The following TRPC4AP variants were observed in gnomAD, a reference collection of about 807,000 sequenced individuals.
The protein encoded by TRPC4AP is short transient receptor potential channel 4-associated protein.
In TRPC4AP, 45 loss-of-function variants were observed where a neutral mutation model predicts 99.0. That is an observed-to-expected ratio of 0.45 (90% CI 0.36 to 0.58). The LOEUF (loss-of-function observed/expected upper bound fraction) is 0.58. Among genes scored for constraint, TRPC4AP ranks in the 20% least tolerant of loss-of-function variants. The probability of loss-of-function intolerance (pLI) is 0.00; values close to 1 mark genes in which losing one functional copy is unlikely to be tolerated. For missense variants in TRPC4AP, 879 were observed against 985.3 expected (o/e 0.89, Z 1.44); for synonymous variants, 408 against 385.8 (o/e 1.06, Z -0.67).
intron 8 of TRPC4AP, among the ~76,000 whole-genome samples, 153 bp downstream of exon 8, chr20:35,034,968 CAA>C (rs986464109): frequency 6.6e-5 from 10 of 152,130 alleles, no homozygotes; most frequent in African/African-American, 2.4e-4. Flanking sequence ...AACAAGCTGT[CAA>C]AAGAGTCTTA....
At position 35,086,455 on chromosome 20, in the gene TRPC4AP, GTGTGTGTGTGTGTGTGTGTGTA is replaced by G. The variant is rs2084854702; in HGVS notation, c.168+6137_168+6158del. 7.1e-4 allele frequency among the ~76,000 whole-genome samples: 62 copies of G among 86,960 alleles called. 2 individuals carry two copies. Among genetic ancestry groups the G allele is most frequent in the South Asian group, 1.6e-3 (4 of 2,462 alleles). 57.0% of individuals were successfully genotyped at this position (86,960 alleles called of 152,430 possible). On this transcript the variant is annotated intron_variant, in intron 1 of 18. Coordinates refer to ENST00000252015, the MANE Select transcript of TRPC4AP (RefSeq NM_015638.3). ...TATGTGTGTGTGTGTGTGTGTGTGTGTGTGTGTGTGTGTGTGTGTGTATGTGTGTGTATATATATATGTGTAT... is the reference window on the plus strand; with the variant it reads ...TATGTGTGTGTGTGTGTGTGTGTGTGTGTGTGTGTATATATATATGTGTAT...
At chr20:35,070,596 G>A (rs957606574) in intron 2 of TRPC4AP, among the ~76,000 whole-genome samples, 1 of 152,126 alleles carries the variant, frequency 6.6e-6, no homozygotes, top group African/African-American at 2.4e-5. Context: ...ATTTTCAGTA[G>A]AGACGGGGTT....
intron 2 of TRPC4AP, among the ~76,000 whole-genome samples, chr20:35,070,503 C>G (rs373641387): frequency 6.6e-6 from 1 of 151,942 alleles, no homozygotes; most frequent in Non-Finnish European, 1.5e-5. Flanking sequence ...CTCTGCCTCC[C>G]GGGTTCACGC....
chr20:35,032,685 G>A (rs1191587218), intron 8 of TRPC4AP, among the ~76,000 whole-genome samples: 1 of 149,262 alleles, frequency 6.7e-6, no homozygotes, highest in Non-Finnish European at 1.5e-5. Flanking sequence ...TCTTAGCCAG[G>A]ATAGTCTCGA....
chr20:35,043,447 A>G (rs1264209539), intron 7 of TRPC4AP, among the ~76,000 whole-genome samples: 3 of 152,168 alleles, frequency 2.0e-5, no homozygotes, highest in Middle Eastern at 3.4e-3. Context: ...GGGTTTCGCC[A>G]TGTTGGCCAG....
Position 35,084,593 on chromosome 20 carries a change from CAT to C in TRPC4AP, c.169-6421_169-6420del, listed in dbSNP as rs1233507364. On this transcript the variant is annotated intron_variant, in intron 1 of 18. Transcript: ENST00000252015. ...GTGTATATGTATATATGTTTATATG[CAT>C]ATATGTGTATATGTATATATGTTTA... is the stretch of plus-strand genomic sequence containing the variant. 1.1e-4 allele frequency among the ~76,000 whole-genome samples: 13 copies of C among 122,824 alleles called. No individual in the cohort carries two copies. The East Asian group carries it at 1.8e-3, about 17-fold the overall frequency. 80.6% of individuals were successfully genotyped at this position (122,824 alleles called of 152,430 possible). A position where few individuals can be genotyped will look rare whatever the true frequency, so the allele number is the denominator to read the frequency against.
At chr20:35,075,003 T>C (rs1189681213) in intron 2 of TRPC4AP, among the ~76,000 whole-genome samples, 1 of 152,252 alleles carries the variant, frequency 6.6e-6, no homozygotes, top group Non-Finnish European at 1.5e-5. Flanking sequence ...TTGATCCCTT[T>C]ACCATTATGT....
intron 15 of TRPC4AP, 126 bp downstream of exon 15, chr20:35,006,309 C>A: frequency 8.6e-7 from 1 of 1,157,550 alleles, no homozygotes; most frequent in Non-Finnish European, 1.2e-6. Context: ...GAATGTTTGC[C>A]AAAGACTGCC....
chr20:35,029,115 G>A (rs907493257), intron 8 of TRPC4AP, among the ~76,000 whole-genome samples: 12 of 152,074 alleles, frequency 7.9e-5, no homozygotes, highest in African/African-American at 2.9e-4. Flanking sequence ...AGCTGGGCGT[G>A]GGCTCCCCGC....
chr20:35,084,609 TATATATGTTTATATGC>T (rs1374430504), intron 1 of TRPC4AP, among the ~76,000 whole-genome samples: 5 of 107,990 alleles, frequency 4.6e-5, no homozygotes, highest in Non-Finnish European at 7.8e-5. Flanking sequence ...TGTGTATATG[TATATATGTTTATATGC>T]ATATATGTGT....
At chr20:35,076,647 G>A (rs951068893) in intron 2 of TRPC4AP, among the ~76,000 whole-genome samples, 5 of 152,150 alleles carry the variant, frequency 3.3e-5, no homozygotes, top group Non-Finnish European at 7.4e-5. Flanking sequence ...AGGGGCACCC[G>A]GCTGTATGAG....
chr20:35,085,363 A>G (rs2146037811), intron 1 of TRPC4AP, among the ~76,000 whole-genome samples: 1 of 152,288 alleles, frequency 6.6e-6, no homozygotes. Flanking sequence ...CTCATATCCT[A>G]GCACTTGGGA....
chr20:35,073,011 T>A (rs1260290313), intron 2 of TRPC4AP, among the ~76,000 whole-genome samples: 3 of 152,204 alleles, frequency 2.0e-5, no homozygotes, highest in Admixed American at 6.5e-5. Flanking sequence ...CCCTTGTGAG[T>A]TGGATTCCTA....
At chr20:35,068,146 A>C (rs2084193776) in intron 3 of TRPC4AP, among the ~76,000 whole-genome samples, 1 of 152,158 alleles carries the variant, frequency 6.6e-6, no homozygotes, top group South Asian at 2.1e-4. Flanking sequence ...CTATTTCCTA[A>C]TTTGGGTGGT....
chr20:35,022,611 T>C (rs888689397), intron 8 of TRPC4AP, among the ~76,000 whole-genome samples: 3 of 152,140 alleles, frequency 2.0e-5, no homozygotes, highest in African/African-American at 7.2e-5. Context: ...ACTGCTTCCC[T>C]AGAGGCCTTT....
Position 35,035,322 on chromosome 20 carries a change from A to C in TRPC4AP, c.866-14T>G, listed in dbSNP as rs1189743660. 6.2e-7 allele frequency: 1 copy of C among 1,609,610 alleles called. No individual in the cohort carries two copies. On this transcript the variant is annotated splice_polypyrimidine_tract_variant and intron_variant, in intron 7 of 18. Transcript: ENST00000252015. ...TGAGAAGGGCCGCTGCCAGGGAAAG[A>C]ACAAGCGAGGAAATTTTCAAAATAG...
At chr20:35,015,509 C>CTGGAGTCCAG (rs1184741946) in intron 10 of TRPC4AP, among the ~76,000 whole-genome samples, 2 of 142,290 alleles carry the variant, frequency 1.4e-5, no homozygotes, top group East Asian at 4.2e-4. Context: ...GTTACGCAGG[C>CTGGAGTCCAG]TGGAGTCCAG....
chr20:35,055,931 A>C (rs957219889), intron 4 of TRPC4AP, among the ~76,000 whole-genome samples: 2 of 152,220 alleles, frequency 1.3e-5, no homozygotes, highest in African/African-American at 4.8e-5. Flanking sequence ...CCAAAACCAA[A>C]AGATGATGAA....
At chr20:35,038,171 G>A (rs1230544092) in intron 7 of TRPC4AP, among the ~76,000 whole-genome samples, 1 of 150,366 alleles carries the variant, frequency 6.7e-6, no homozygotes, top group African/African-American at 2.5e-5. Flanking sequence ...CACTGTAAAT[G>A]TACTAAATGC....
Sources: gnomAD v4.1 joint callset for allele counts (sites outside exome capture counted in the v4.1 genomes callset) on GRCh38, gnomAD v4.1.1 for gene constraint, MANE v1.5 for transcripts, NCBI Gene and HGNC (gene_info 2026-07-23, HGNC 2026-07-21) for gene names.